Variants in SLC35E3 observed in about 807,000 individuals in gnomAD.
SLC35E3 encodes bladder cancer-overexpressed gene 1 protein.
A neutral mutation model predicts 30.8 loss-of-function variants in SLC35E3; 28 were observed. That is an observed-to-expected ratio of 0.91 (90% CI 0.67 to 1.25). The LOEUF (loss-of-function observed/expected upper bound fraction) is 1.25. SLC35E3 is among the 50% of genes most tolerant of loss of function. The pLI, the probability that SLC35E3 is intolerant of heterozygous loss-of-function variation, is 0.00. For synonymous variants in SLC35E3, 146 were observed against 149.2 expected (o/e 0.98, Z 0.16); for missense variants, 365 against 375.4 (o/e 0.97, Z 0.23).
At chr12:68,747,266 CT>C (rs201303961) in intron 1 of SLC35E3, among the ~76,000 whole-genome samples, 149 of 143,708 alleles carry the variant, frequency 1.0e-3, no homozygotes, top group Admixed American at 1.7e-3. Flanking sequence ...AGGTCTTTTT[CT>C]TTTTTTTTTT....
intron 2 of SLC35E3, among the ~76,000 whole-genome samples, chr12:68,749,578 A>T (rs568107359): frequency 2.0e-5 from 3 of 152,340 alleles, no homozygotes; most frequent in African/African-American, 7.2e-5. Context: ...TGGTCACAGT[A>T]GCATATGTAC....
At chr12:68,757,547 GAAT>G (rs1399140413) in intron 3 of SLC35E3, among the ~76,000 whole-genome samples, 4 of 152,146 alleles carry the variant, frequency 2.6e-5, no homozygotes, top group African/African-American at 9.7e-5. Flanking sequence ...CTATAAAAAG[GAAT>G]AATATTTTTA....
chr12:68,769,480 A>C lies in SLC35E3; in HGVS notation c.*4590A>C, dbSNP rs1592550166. 1 of 151,730 alleles carries C rather than the reference A, an allele frequency of 6.6e-6. No individual in the cohort carries two copies. The highest frequency in any genetic ancestry group is 3.4e-3 in the Middle Eastern group (1 of 292). The allele number at this position is 151,730 out of a possible 1,614,324, so 9.4% of individuals were successfully genotyped here. On this transcript the variant is annotated 3_prime_UTR_variant, in exon 5 of 5. Coordinates refer to ENST00000398004, the MANE Select transcript of SLC35E3 (RefSeq NM_018656.5). ...GAGACCAGCCTGGCCAACATGGTGAAACCCCATCTCTACTAAAAATACAAA... is the reference window on the plus strand; with the variant it reads ...GAGACCAGCCTGGCCAACATGGTGACACCCCATCTCTACTAAAAATACAAA...
At chr12:68,755,286 C>A (rs1878960487) in intron 3 of SLC35E3, among the ~76,000 whole-genome samples, 1 of 152,166 alleles carries the variant, frequency 6.6e-6, no homozygotes, top group Non-Finnish European at 1.5e-5. Flanking sequence ...GTCCATAATA[C>A]CTTACTTATC....
intron 3 of SLC35E3, among the ~76,000 whole-genome samples, chr12:68,757,397 A>G (rs924042633): frequency 2.0e-5 from 3 of 152,240 alleles, no homozygotes; most frequent in African/African-American, 7.2e-5. Context: ...AGTTTATATC[A>G]TGAATATCAT....
rs776539683 is a variant in SLC35E3 at position 68,746,706 on chromosome 12, C to T, written c.329C>T (p.Thr110Ile). 1.2e-6 allele frequency: 2 copies of T among 1,614,000 alleles called. No homozygotes were observed. Among genetic ancestry groups the T allele is most frequent in the Non-Finnish European group, 1.7e-6 (2 of 1,179,852 alleles). ...IGTYQLAKAM[T>I]TPVIIAIQTF... is the part of the protein sequence containing the mutation. The stretch of plus-strand genomic sequence containing the variant: ...ACCTATCAGCTGGCCAAGGCCATGA[C>T]CACGCCGGTGATCATAGCCATCCAG... Residue 110 changes from threonine (T) to isoleucine (I), a missense_variant, in exon 1 of 5, where the codon ACC (threonine) becomes ATC (isoleucine). By Grantham distance (89) the Thr-to-Ile change is moderately conservative. Coordinates refer to ENST00000398004, the MANE Select transcript of SLC35E3 (RefSeq NM_018656.5).
chr12:68,761,391 T>C (rs1879228553), intron 4 of SLC35E3, among the ~76,000 whole-genome samples: 1 of 152,104 alleles, frequency 6.6e-6, no homozygotes, highest in East Asian at 1.9e-4. Context: ...CTACAAAAAG[T>C]TTTTTAAAAT....
At chr12:68,760,391 A>G (rs895083280) in intron 4 of SLC35E3, among the ~76,000 whole-genome samples, 5 of 152,226 alleles carry the variant, frequency 3.3e-5, no homozygotes, top group Admixed American at 6.5e-5. Flanking sequence ...TAGAAAACCA[A>G]TACTTAACAA....
intron 4 of SLC35E3, among the ~76,000 whole-genome samples, chr12:68,761,207 T>G (rs1879222039): frequency 6.6e-6 from 1 of 152,126 alleles, no homozygotes; most frequent in Non-Finnish European, 1.5e-5. Context: ...TGGGAAGCCA[T>G]TAGCATTTTG....
chr12:68,764,878 A>T lies in SLC35E3; in HGVS notation c.930A>T (p.Ala310=). The T allele has an allele frequency of 4.3e-6, 7 of 1,613,728 alleles. No individual in the cohort carries two copies. Among genetic ancestry groups the T allele is most frequent in the Non-Finnish European group, 5.9e-6 (7 of 1,179,822 alleles). Residue 310 remains alanine (A), a synonymous_variant, in exon 5 of 5, where the codon GCA becomes GCT. Transcript: ENST00000398004. Reference sequence around the variant, plus strand: ...AGGAAGGAAGTAGGAGTAAACTGGCACAACGTCCTTAATTGGGTTTTTGTG... The same window carrying T: ...AGGAAGGAAGTAGGAGTAAACTGGCTCAACGTCCTTAATTGGGTTTTTGTG... ...SEQEGSRSKL[A]QRP
rs200103367 is a variant in SLC35E3 at position 68,746,440 on chromosome 12, C to T, written c.63C>T (p.Asn21=). 10 of 1,613,480 alleles carry T rather than the reference C, an allele frequency of 6.2e-6. No homozygotes were observed. The highest frequency in any genetic ancestry group is 1.3e-5 in the African/African-American group (1 of 74,950). ...GAATCGCCGCCGGGCTCCTGTTCAA[C>T]CTGCTGGTGTCCATCTGCATTGTGT... ...HWRIAAGLLF[N]LLVSICIVFL... The change falls in exon 1 of 5, where the codon AAC becomes AAT. Residue 21 remains asparagine, a synonymous_variant. Coordinates refer to ENST00000398004, the MANE Select transcript of SLC35E3 (RefSeq NM_018656.5).
At chr12:68,759,287 A>G in intron 4 of SLC35E3, 48 bp downstream of exon 4, 1 of 1,400,784 alleles carries the variant, frequency 7.1e-7, no homozygotes, top group Non-Finnish European at 1.0e-6. Flanking sequence ...TATATTTTCC[A>G]AAACTTTTAC....
intron 2 of SLC35E3, among the ~76,000 whole-genome samples, chr12:68,749,482 C>T (rs1371466750): frequency 6.6e-6 from 1 of 152,188 alleles, no homozygotes; most frequent in Non-Finnish European, 1.5e-5. Flanking sequence ...GTTCAGCAGA[C>T]ATCTTTTCTG....
At chr12:68,751,612 A>C (rs916518642) in intron 2 of SLC35E3, among the ~76,000 whole-genome samples, 2 of 151,764 alleles carry the variant, frequency 1.3e-5, no homozygotes, top group Non-Finnish European at 2.9e-5. Flanking sequence ...CCATTTTTTA[A>C]ATTTTGCCAT....
chr12:68,746,563 G>A lies in SLC35E3; in HGVS notation c.186G>A (p.Gln62=), dbSNP rs750530060. The change falls in exon 1 of 5, where the codon CAG becomes CAA. Residue 62 remains glutamine, a synonymous_variant. Coordinates refer to ENST00000398004, the MANE Select transcript of SLC35E3 (RefSeq NM_018656.5). ...CCTGGCTGGGCTTGTATATCTGCCAGAAGCTGGACATCTTTGCCCCCAAAA... is the reference window on the plus strand; with the variant it reads ...CCTGGCTGGGCTTGTATATCTGCCAAAAGCTGGACATCTTTGCCCCCAAAA... ...VVTWLGLYIC[Q]KLDIFAPKSL... 3 of 1,614,240 alleles carry A rather than the reference G, an allele frequency of 1.9e-6. No homozygotes were observed. The highest frequency in any genetic ancestry group is 2.5e-6 in the Non-Finnish European group (3 of 1,180,022).
In SLC35E3 at chr12:68,764,752, A is replaced by T. The variant is rs572295059; in HGVS notation, c.804A>T (p.Gly268=). ...AGTTCTGCATTACTTTATTCGGAGGATATGTTTTATTTAAGGATCCACTGT... is the reference window on the plus strand; with the variant it reads ...AGTTCTGCATTACTTTATTCGGAGGTTATGTTTTATTTAAGGATCCACTGT... The part of the protein sequence containing the change: ...HFKFCITLFG[G]YVLFKDPLSI... Residue 268 remains glycine, a synonymous_variant, in exon 5 of 5, where the codon GGA becomes GGT. Coordinates refer to ENST00000398004, the MANE Select transcript of SLC35E3 (RefSeq NM_018656.5). The T allele has an allele frequency of 1.2e-6, 2 of 1,614,030 alleles. No homozygotes were observed. The highest frequency in any genetic ancestry group is 2.2e-5 in the South Asian group (2 of 91,080).
chr12:68,749,144 A>G (rs569816244), intron 2 of SLC35E3, among the ~76,000 whole-genome samples: 4 of 152,222 alleles, frequency 2.6e-5, no homozygotes, highest in Non-Finnish European at 5.9e-5. Flanking sequence ...CTCTGTCACT[A>G]TGACCATTTT....
intron 2 of SLC35E3, among the ~76,000 whole-genome samples, chr12:68,748,583 A>G (rs1341887032): frequency 6.6e-6 from 1 of 152,076 alleles, no homozygotes; most frequent in African/African-American, 2.4e-5. Context: ...ATATTTTTCC[A>G]TTTGTGCAAG....
At chr12:68,754,530 C>T (rs1878930160) in intron 3 of SLC35E3, among the ~76,000 whole-genome samples, 2 of 152,258 alleles carry the variant, frequency 1.3e-5, no homozygotes, top group African/African-American at 4.8e-5. Flanking sequence ...AAGTGATCCA[C>T]CCACCTCGGC....
Sources: allele counts gnomAD v4.1 joint callset (sites outside exome capture counted in the v4.1 genomes callset), GRCh38; gene constraint gnomAD v4.1.1; transcripts MANE v1.5; gene names NCBI Gene and HGNC (gene_info 2026-07-23, HGNC 2026-07-21).